The following GABRR3 variants were observed in gnomAD, a reference collection of about 807,000 sequenced individuals.
The protein encoded by GABRR3 is gamma-aminobutyric acid type A receptor subunit rho3.
Under a neutral mutation model 43.2 loss-of-function variants are expected in GABRR3, and 29 were observed. The ratio of observed to expected loss-of-function variants is 0.67; its 90% CI spans 0.50 to 0.92. The LOEUF (loss-of-function observed/expected upper bound fraction) is 0.92. GABRR3 is among the 40% of genes least tolerant of loss of function. The pLI, the probability that GABRR3 is intolerant of heterozygous loss-of-function variation, is 0.00. For missense variants in GABRR3, 576 were observed against 572.3 expected (o/e 1.01, Z -0.07); for synonymous variants, 206 against 195.9 (o/e 1.05, Z -0.43).
intron 3 of GABRR3, among the ~76,000 whole-genome samples, chr3:98,019,252 C>T (rs1188334847): frequency 2.6e-5 from 4 of 152,168 alleles, no homozygotes; most frequent in Non-Finnish European, 5.9e-5. Context: ...CCTGGATGTG[C>T]TACATGGGAC....
intron 8 of GABRR3, among the ~76,000 whole-genome samples, chr3:97,994,879 T>C (rs950443435): frequency 6.6e-6 from 1 of 152,182 alleles, no homozygotes; most frequent in African/African-American, 2.4e-5. Flanking sequence ...CATACTGACA[T>C]TTTCAGTATG....
chr3:97,995,333 AT>A (rs557730060), intron 8 of GABRR3, among the ~76,000 whole-genome samples: 57 of 151,140 alleles, frequency 3.8e-4, no homozygotes, highest in Non-Finnish European at 7.1e-4. Flanking sequence ...CATAGAACTT[AT>A]TTTTTTTTCA....
chr3:98,022,070 CAA>C (rs1395842577), intron 3 of GABRR3, among the ~76,000 whole-genome samples: 4 of 152,104 alleles, frequency 2.6e-5, no homozygotes, highest in Non-Finnish European at 5.9e-5. Flanking sequence ...CTTTGACAAG[CAA>C]AGACTGTGCA....
chr3:98,001,486 TG>T, intron 8 of GABRR3, 128 bp downstream of exon 8: 1 of 956,308 alleles, frequency 1.0e-6, no homozygotes, highest in Non-Finnish European at 1.6e-6. Context: ...TACTGCAACC[TG>T]GATGTTCATC....
chr3:98,017,218 C>T (rs1402673579), intron 4 of GABRR3, among the ~76,000 whole-genome samples: 1 of 152,160 alleles, frequency 6.6e-6, no homozygotes, highest in East Asian at 1.9e-4. Context: ...TACTGGTTGT[C>T]TACAGATAAG....
At position 98,008,902 on chromosome 3, in the gene GABRR3, T is replaced by C. The variant is rs373439700; in HGVS notation, c.613+54A>G. ...GAGCATGCTTATTTACATGTAAGTATGTGATGGTGTGTTCAAATGATGTGC... is the reference window on the plus strand; with the variant it reads ...GAGCATGCTTATTTACATGTAAGTACGTGATGGTGTGTTCAAATGATGTGC... On this transcript the variant is annotated intron_variant, in intron 6 of 9. Coordinates refer to ENST00000621172, the Ensembl canonical transcript of GABRR3. 6.4e-5 allele frequency: 60 copies of C among 936,794 alleles called. 1 individual carries two copies. The African/African-American group carries it at 8.4e-4, about 13-fold the overall frequency. 58.0% of individuals were successfully genotyped at this position (936,794 alleles called of 1,614,324 possible).
chr3:98,020,872 T>TTTTC (rs1553719731), intron 3 of GABRR3, among the ~76,000 whole-genome samples: 7 of 15,024 alleles, frequency 4.7e-4, no homozygotes, highest in East Asian at 1.0e-3. Flanking sequence ...TTCTTTTTCT[T>TTTTC]TTTTTTTTTT....
intron 8 of GABRR3, 34 bp downstream of exon 8, chr3:98,001,581 T>C: frequency 1.9e-6 from 3 of 1,610,516 alleles, no homozygotes; most frequent in Non-Finnish European, 2.5e-6. Context: ...CTTTCTCCCA[T>C]GTTAACATTT....
chr3:98,012,635 G>T, intron 4 of GABRR3, 68 bp from the exon 5 acceptor site: 1 of 1,046,768 alleles, frequency 9.6e-7, no homozygotes. Context: ...ACTCAACACT[G>T]TTAGTCCCAG....
chr3:98,012,386 A>G, exon 5 of GABRR3: 2 of 1,614,002 alleles, frequency 1.2e-6, no homozygotes, highest in South Asian at 1.1e-5. Flanking sequence ...TACGCGCAGC[A>G]TGATATTCTC....
At chr3:98,032,563 A>C (rs1280941362) in intron 2 of GABRR3, among the ~76,000 whole-genome samples, 4 of 152,212 alleles carry the variant, frequency 2.6e-5, no homozygotes, top group Non-Finnish European at 5.9e-5. Flanking sequence ...TCTAGGTAAA[A>C]GGGGAACATT....
At position 97,996,046 on chromosome 3, in the gene GABRR3, G is replaced by A. The variant is rs567040327; in HGVS notation, c.908-2998C>T. Among the ~76,000 whole-genome samples the A allele has an allele frequency of 8.5e-5, 13 of 152,210 alleles. No homozygotes were observed. The South Asian group carries it at 2.5e-3, about 29-fold the overall frequency. ...TCTTAAGAACCCTTTAGTCTGGGGG[G>A]AATTAATAATCTTTCAGTTTCATTG... On this transcript the variant is annotated intron_variant, in intron 8 of 9. Transcript: ENST00000621172.
chr3:97,987,694 G>T (rs551068695), intron 9 of GABRR3, among the ~76,000 whole-genome samples: 21 of 152,292 alleles, frequency 1.4e-4, no homozygotes, highest in African/African-American at 5.1e-4. Context: ...AGACTATTTT[G>T]TGCAGTCAGT....
chr3:98,020,633 C>T (rs1013442667), intron 3 of GABRR3, among the ~76,000 whole-genome samples: 2 of 151,978 alleles, frequency 1.3e-5, no homozygotes, highest in African/African-American at 4.8e-5. Flanking sequence ...CCTCCAAGGA[C>T]CTATTTATGC....
chr3:98,020,995 G>A (rs1211831367), intron 3 of GABRR3, among the ~76,000 whole-genome samples: 1 of 151,320 alleles, frequency 6.6e-6, no homozygotes, highest in Non-Finnish European at 1.5e-5. Context: ...CTGAGGAGCT[G>A]GGATTACAGG....
intron 8 of GABRR3, chr3:97,998,390 A>G (rs1488883519): frequency 6.6e-6 from 1 of 152,172 alleles, no homozygotes; most frequent in Admixed American, 6.6e-5. Context: ...CAGTGAACCA[A>G]TGTTTTCCAA....
intron 8 of GABRR3, among the ~76,000 whole-genome samples, chr3:97,996,439 T>C (rs576587983): frequency 2.7e-4 from 41 of 152,274 alleles, no homozygotes; most frequent in African/African-American, 9.1e-4. Flanking sequence ...GTTGCCTAAG[T>C]ATTCACTTTT....
intron 9 of GABRR3, 51 bp from the exon 10 acceptor site, chr3:97,987,033 A>G: frequency 8.4e-7 from 1 of 1,189,874 alleles, no homozygotes; most frequent in South Asian, 1.6e-5. Context: ...TTTTACAAAT[A>G]GGAATTATGG....
At chr3:98,029,875 G>A (rs1436675956) in intron 2 of GABRR3, among the ~76,000 whole-genome samples, 1 of 151,982 alleles carries the variant, frequency 6.6e-6, no homozygotes, top group Non-Finnish European at 1.5e-5. Context: ...CAGCACTTTG[G>A]GAGGCGAAGG....
Sources: allele counts gnomAD v4.1 joint callset (sites outside exome capture counted in the v4.1 genomes callset), GRCh38; gene constraint gnomAD v4.1.1; transcripts MANE v1.5; gene names NCBI Gene and HGNC (gene_info 2026-07-23, HGNC 2026-07-21).